The following GBP2 variants were observed in gnomAD, a reference collection of about 807,000 sequenced individuals.
The protein encoded by GBP2 is guanylate-binding protein 2.
In GBP2, 54 loss-of-function variants were observed where a neutral mutation model predicts 60.8. The ratio of observed to expected loss-of-function variants is 0.89; its 90% CI spans 0.71 to 1.11. The LOEUF (loss-of-function observed/expected upper bound fraction) is 1.11. GBP2 is among the 50% of genes most tolerant of loss of function. The pLI, the probability that GBP2 is intolerant of heterozygous loss-of-function variation, is 0.00. For synonymous variants in GBP2, 243 were observed against 256.5 expected (o/e 0.95, Z 0.50); for missense variants, 665 against 703.3 (o/e 0.95, Z 0.62).
chr1:89,109,797 C>A lies in GBP2; in HGVS notation c.1539G>T (p.Glu513Asp). The change falls in exon 10 of 11, where the codon GAG (glutamate) becomes GAT (aspartate). Residue 513 changes from glutamate to aspartate, a missense_variant. Coordinates refer to ENST00000370466, the MANE Select transcript of GBP2 (RefSeq NM_004120.5). ...AACTCTTCTCTTTCTGTTCCATCAT[C>A]TCCTCATTCTTCTTTTGTATTTCCT... ...MLEEIQKKNE[E>D]MMEQKEKSYQ... The A allele has an allele frequency of 6.2e-7, 1 of 1,613,972 alleles. No individual in the cohort carries two copies. The highest frequency in any genetic ancestry group is 8.5e-7 in the Non-Finnish European group (1 of 1,179,912).
chr1:89,121,049 G>T, intron 3 of GBP2, 94 bp downstream of exon 3: 1 of 855,096 alleles, frequency 1.2e-6, no homozygotes, highest in Non-Finnish European at 1.8e-6. Flanking sequence ...TCAAGGAGTA[G>T]GAGTGATTGT....
chr1:89,124,799 T>C (rs909166245), intron 1 of GBP2, among the ~76,000 whole-genome samples: 1 of 152,256 alleles, frequency 6.6e-6, no homozygotes, highest in African/African-American at 2.4e-5. Context: ...GAAAATCTGC[T>C]GATTTTTTAC....
intron 8 of GBP2, among the ~76,000 whole-genome samples, chr1:89,111,592 G>A (rs918873649): frequency 7.5e-6 from 1 of 133,892 alleles, no homozygotes; most frequent in African/African-American, 2.7e-5. Context: ...CATGAAGATA[G>A]AGAGTAGAAG....
In GBP2 at chr1:89,110,327, C is replaced by A; in HGVS notation, c.1363-61G>T. The A allele has an allele frequency of 4.9e-6, 6 of 1,230,224 alleles. No homozygotes were observed. The South Asian group carries it at 6.1e-5, about 13-fold the overall frequency. The allele number at this position is 1,230,224 out of a possible 1,614,324, so 76.2% of individuals were successfully genotyped here. On this transcript the variant is annotated intron_variant, in intron 8 of 10. Coordinates refer to ENST00000370466, the MANE Select transcript of GBP2 (RefSeq NM_004120.5). ...TGATTGTGGGTTAGATCCAGCAATC[C>A]CACCACTGGGTATCTACCCAGAGGA...
At chr1:89,116,645 G>A (rs1470256572) in intron 6 of GBP2, among the ~76,000 whole-genome samples, 6 of 152,034 alleles carry the variant, frequency 3.9e-5, no homozygotes, top group Admixed American at 1.3e-4. Context: ...TTAGTTAGTG[G>A]CAAAGTCTCA....
chr1:89,112,606 G>A lies in GBP2; in HGVS notation c.1228C>T (p.Gln410Ter). 1 of 1,614,112 alleles carries A rather than the reference G, an allele frequency of 6.2e-7. No homozygotes were observed. Among genetic ancestry groups the A allele is most frequent in the East Asian group, 2.2e-5 (1 of 44,880 alleles). Residue 410 changes from glutamine (Q) to a stop codon, truncating the protein, a stop_gained, in exon 8 of 11, where the codon CAG (glutamine) becomes TAG (stop). Coordinates refer to ENST00000370466, the MANE Select transcript of GBP2 (RefSeq NM_004120.5). LOFTEE classifies it high-confidence loss of function. ...TCTTCTAAAGGGCCAAATATATCCTGAAGTAAAGCCATGCAACAATCTGAT... is the reference window on the plus strand; with the variant it reads ...TCTTCTAAAGGGCCAAATATATCCTAAAGTAAAGCCATGCAACAATCTGAT... ...ASSDCCMALL[Q>*]DIFGPLEEDV... is the part of the protein sequence containing the mutation.
intron 4 of GBP2, 86 bp downstream of exon 4, chr1:89,120,093 C>T (rs754780020): frequency 3.0e-5 from 27 of 895,062 alleles, no homozygotes; most frequent in Non-Finnish European, 4.5e-5. Context: ...TTCTTCAGTA[C>T]CTGTCTGTCT....
At chr1:89,117,870 G>T in intron 4 of GBP2, 97 bp from the exon 5 acceptor site, 1 of 891,242 alleles carries the variant, frequency 1.1e-6, no homozygotes, top group Non-Finnish European at 1.7e-6. Flanking sequence ...CTTTTTATTA[G>T]CTCATTCATT....
At chr1:89,120,407 AACTC>A in intron 3 of GBP2, 119 bp from the exon 4 acceptor site, 1 of 782,928 alleles carries the variant, frequency 1.3e-6, no homozygotes. Context: ...AAACTTAGGT[AACTC>A]ACTTCCTTAT....
chr1:89,108,674 A>G (rs1448435461), intron 10 of GBP2, among the ~76,000 whole-genome samples: 1 of 152,170 alleles, frequency 6.6e-6, no homozygotes, highest in Non-Finnish European at 1.5e-5. Context: ...TTGGTAGGTT[A>G]CTATATAACT....
At chr1:89,124,671 T>C (rs753020740) in intron 1 of GBP2, among the ~76,000 whole-genome samples, 1 of 152,218 alleles carries the variant, frequency 6.6e-6, no homozygotes, top group Admixed American at 6.5e-5. Context: ...GGCTTCTTCC[T>C]ATCACTATGC....
intron 8 of GBP2, among the ~76,000 whole-genome samples, chr1:89,110,655 G>A (rs535096873): frequency 3.9e-5 from 6 of 152,230 alleles, no homozygotes; most frequent in Admixed American, 3.9e-4. Flanking sequence ...ATAAATTGGA[G>A]ATAAGCTATT....
intron 6 of GBP2, among the ~76,000 whole-genome samples, chr1:89,116,045 C>T (rs1471415335): frequency 2.6e-5 from 4 of 152,096 alleles, no homozygotes; most frequent in African/African-American, 7.2e-5. Context: ...CAGGGTCTCA[C>T]TCTGTCTCCC....
chr1:89,106,639 A>G lies in GBP2; in HGVS notation c.*1536T>C, dbSNP rs760374292. Reference sequence around the variant, plus strand: ...GATTTATCTCCATACATCTGCATGGAAAAACTGGTTGACTAAACATACAGG... The same window carrying G: ...GATTTATCTCCATACATCTGCATGGGAAAACTGGTTGACTAAACATACAGG... On this transcript the variant is annotated 3_prime_UTR_variant, in exon 11 of 11. Coordinates refer to ENST00000370466, the MANE Select transcript of GBP2 (RefSeq NM_004120.5). The G allele has an allele frequency of 1.3e-5, 2 of 152,226 alleles. No homozygotes were observed. The highest frequency in any genetic ancestry group is 2.9e-5 in the Non-Finnish European group (2 of 68,032). The allele number at this position is 152,226 out of a possible 1,614,324, so 9.4% of individuals were successfully genotyped here.
Position 89,121,949 on chromosome 1 carries a change from G to GT in GBP2, c.17dup (p.Asn6LysfsTer10). 1 of 1,613,088 alleles carries GT rather than the reference G, an allele frequency of 6.2e-7. No individual in the cohort carries two copies. The highest frequency in any genetic ancestry group is 1.1e-5 in the South Asian group (1 of 90,940). ...CAATGAGGCTCATTGGGCCCGGCAAGTTGATCTCTGGAGCCATGTCCAGGG... is the reference window on the plus strand; with the variant it reads ...CAATGAGGCTCATTGGGCCCGGCAAGTTTGATCTCTGGAGCCATGTCCAGGG... On this transcript the variant is annotated frameshift_variant, in exon 2 of 11. Coordinates refer to ENST00000370466, the MANE Select transcript of GBP2 (RefSeq NM_004120.5). LOFTEE classifies it high-confidence loss of function.
chr1:89,117,020 AAG>A lies in GBP2; in HGVS notation c.838_839del (p.Leu280PhefsTer54), dbSNP rs1681286764. 1 of 1,613,876 alleles carries A rather than the reference AAG, an allele frequency of 6.2e-7. No homozygotes were observed. The highest frequency in any genetic ancestry group is 1.3e-5 in the African/African-American group (1 of 74,910). On this transcript the variant is annotated frameshift_variant, in exon 6 of 11. Transcript: ENST00000370466. LOFTEE classifies it high-confidence loss of function. The stretch of plus-strand genomic sequence containing the variant: ...GCCCATTGACTGGAATGCCACCTGA[AAG>A]AGTCTTGACATTGGAATGGCTGAGG... ...YILSHSNVKT[L>X]SGGIPVNGPR...
intron 4 of GBP2, chr1:89,119,462 G>GGGTGGAGAGTTCCAATAA (rs1681352840): frequency 6.6e-6 from 1 of 152,168 alleles, no homozygotes; most frequent in Admixed American, 6.5e-5. Flanking sequence ...ATGACAATAA[G>GGGTGGAGAGTTCCAATAA]GGTGGAGAGT....
chr1:89,113,566 A>T (rs1681207264), intron 7 of GBP2, among the ~76,000 whole-genome samples: 1 of 152,238 alleles, frequency 6.6e-6, no homozygotes, highest in Non-Finnish European at 1.5e-5. Flanking sequence ...GGCAGACATT[A>T]AAAACATTCT....
rs781096238 is a variant in GBP2 at position 89,117,742 on chromosome 1, C to T, written c.460G>A (p.Ala154Thr). 6 of 1,613,360 alleles carry T rather than the reference C, an allele frequency of 3.7e-6. No individual in the cohort carries two copies. In the African/African-American group the frequency reaches 4.0e-5, roughly 11 times the overall value. ...GAATTGTTACCAGGTGAGGAGTTTG[C>T]CTTGATTCGATCTGTCAGCTCTGTC... ...YVTELTDRIK[A>T]NSSPGNNSVD... The change falls in exon 5 of 11, where the codon GCA becomes ACA. Residue 154 changes from alanine (A) to threonine (T), a missense_variant. Coordinates refer to ENST00000370466, the MANE Select transcript of GBP2 (RefSeq NM_004120.5).
Sources: gnomAD v4.1 joint callset for allele counts (sites outside exome capture counted in the v4.1 genomes callset) on GRCh38, gnomAD v4.1.1 for gene constraint, MANE v1.5 for transcripts, NCBI Gene and HGNC (gene_info 2026-07-23, HGNC 2026-07-21) for gene names.